FAM184B: variants seen among roughly 807,000 people sequenced by gnomAD.
FAM184B encodes family with sequence similarity 184 member B.
FAM184B carries 111 observed loss-of-function variants against 135.9 expected under a neutral mutation model. The observed-to-expected ratio is 0.82, with a 90% CI of 0.70 to 0.96. The LOEUF is 0.96. FAM184B is among the 40% of genes least tolerant of loss of function. FAM184B has a pLI of 0.00. For synonymous variants in FAM184B, 552 were observed against 524.8 expected (o/e 1.05, Z -0.71); for missense variants, 1,375 against 1,323.9 (o/e 1.04, Z -0.60).
At chr4:17,693,620 C>T (rs373607445) in intron 5 of FAM184B, among the ~76,000 whole-genome samples, 1 of 152,164 alleles carries the variant, frequency 6.6e-6, no homozygotes, top group Non-Finnish European at 1.5e-5. Context: ...AGGGGTGGGG[C>T]GGGGCAAATT....
intron 1 of FAM184B, among the ~76,000 whole-genome samples, chr4:17,744,492 A>AC (rs34475788): frequency 0.024 from 2,716 of 115,076 alleles, 40 homozygotes; most frequent in African/African-American, 0.038. Flanking sequence ...CACACACACC[A>AC]CACACACACA....
intron 10 of FAM184B, among the ~76,000 whole-genome samples, chr4:17,653,548 C>A (rs1715690864): frequency 6.6e-6 from 1 of 151,990 alleles, no homozygotes; most frequent in Non-Finnish European, 1.5e-5. Flanking sequence ...TTTTTCCCTA[C>A]TTTTTATTTT....
chr4:17,667,833 G>T (rs1254960859), intron 7 of FAM184B, among the ~76,000 whole-genome samples: 4 of 152,250 alleles, frequency 2.6e-5, no homozygotes, highest in African/African-American at 9.6e-5. Context: ...TGCTGTTGCA[G>T]CTCTCACATG....
At chr4:17,737,000 C>CACAAAAATTCAG (rs1194540938) in intron 1 of FAM184B, among the ~76,000 whole-genome samples, 1 of 152,122 alleles carries the variant, frequency 6.6e-6, no homozygotes, top group Non-Finnish European at 1.5e-5. Context: ...CAAAAATTAG[C>CACAAAAATTCAG]TGAGTATGGT....
chr4:17,663,390 A>T (rs1219760022), intron 8 of FAM184B, among the ~76,000 whole-genome samples: 1 of 152,206 alleles, frequency 6.6e-6, no homozygotes, highest in South Asian at 2.1e-4. Flanking sequence ...AAAGAAATAA[A>T]GGGGATCCAA....
chr4:17,668,990 G>A (rs1716114191), intron 7 of FAM184B, among the ~76,000 whole-genome samples: 1 of 152,218 alleles, frequency 6.6e-6, no homozygotes, highest in African/African-American at 2.4e-5. Flanking sequence ...ATAAGTGAAT[G>A]TAAAAGTAAT....
intron 5 of FAM184B, among the ~76,000 whole-genome samples, chr4:17,697,301 A>G (rs1312479768): frequency 6.6e-6 from 1 of 152,104 alleles, no homozygotes; most frequent in Admixed American, 6.5e-5. Flanking sequence ...GCTGCTGATC[A>G]CCTGCATGAT....
chr4:17,744,358 A>C (rs1718109776), intron 1 of FAM184B, among the ~76,000 whole-genome samples: 1 of 151,972 alleles, frequency 6.6e-6, no homozygotes, highest in Non-Finnish European at 1.5e-5. Flanking sequence ...ACATTGACCC[A>C]TCTGGGGAAG....
intron 1 of FAM184B, among the ~76,000 whole-genome samples, chr4:17,751,165 G>T (rs550573269): frequency 6.6e-6 from 1 of 151,936 alleles, no homozygotes; most frequent in Admixed American, 6.6e-5. Flanking sequence ...AAATTTAGCC[G>T]GGTGTGGTGG....
At chr4:17,760,469 C>CA (rs371782077) in intron 1 of FAM184B, among the ~76,000 whole-genome samples, 7,470 of 115,646 alleles carry the variant, frequency 0.065, 326 homozygotes, top group East Asian at 0.22. Context: ...GACTCCATCT[C>CA]AAAAAAAAAA....
intron 8 of FAM184B, among the ~76,000 whole-genome samples, 161 bp from the exon 9 acceptor site, chr4:17,660,248 A>G (rs1331793277): frequency 6.6e-6 from 1 of 152,208 alleles, no homozygotes; most frequent in Non-Finnish European, 1.5e-5. Context: ...GCAACCTGCC[A>G]TATAAAGTGT....
At chr4:17,690,709 C>G (rs1716713737) in intron 6 of FAM184B, among the ~76,000 whole-genome samples, 1 of 152,116 alleles carries the variant, frequency 6.6e-6, no homozygotes, top group African/African-American at 2.4e-5. Context: ...TTCAGAGGAG[C>G]TGGTGCAATT....
chr4:17,641,747 C>T (rs2108930550), intron 13 of FAM184B, among the ~76,000 whole-genome samples: 1 of 149,120 alleles, frequency 6.7e-6, no homozygotes, highest in East Asian at 2.0e-4. Context: ...ATGCGCCCGC[C>T]TCTGCCAACC....
intron 1 of FAM184B, among the ~76,000 whole-genome samples, chr4:17,747,947 A>T (rs1718208460): frequency 7.0e-6 from 1 of 143,548 alleles, no homozygotes; most frequent in African/African-American, 2.6e-5. Context: ...AAAAAAAAAA[A>T]ATTCAAAAAT....
intron 7 of FAM184B, among the ~76,000 whole-genome samples, chr4:17,683,596 G>C (rs1439160332): frequency 6.6e-6 from 1 of 152,106 alleles, no homozygotes; most frequent in African/African-American, 2.4e-5. Flanking sequence ...GCTATCCATT[G>C]AAGTATTATC....
chr4:17,738,411 T>G (rs1031333789), intron 1 of FAM184B, among the ~76,000 whole-genome samples: 1 of 152,164 alleles, frequency 6.6e-6, no homozygotes, highest in East Asian at 1.9e-4. Flanking sequence ...TGTATCATCA[T>G]CATTATCATC....
At chr4:17,657,083 T>G (rs1450448375) in intron 10 of FAM184B, among the ~76,000 whole-genome samples, 1 of 152,254 alleles carries the variant, frequency 6.6e-6, no homozygotes, top group African/African-American at 2.4e-5. Context: ...TATTATTCAC[T>G]ATTGAGCTAA....
chr4:17,662,157 G>A (rs374743307), intron 8 of FAM184B, among the ~76,000 whole-genome samples: 11 of 152,070 alleles, frequency 7.2e-5, no homozygotes, highest in African/African-American at 2.4e-4. Context: ...CCTCATCCAT[G>A]TTGTTGTGTA....
intron 1 of FAM184B, among the ~76,000 whole-genome samples, chr4:17,754,483 G>A (rs1355633728): frequency 6.6e-6 from 1 of 151,432 alleles, no homozygotes. Flanking sequence ...CCCGGGAGGC[G>A]GAGGTTGAAG....
Sources: gnomAD v4.1 joint callset for allele counts (sites outside exome capture counted in the v4.1 genomes callset) on GRCh38, gnomAD v4.1.1 for gene constraint, MANE v1.5 for transcripts, NCBI Gene and HGNC (gene_info 2026-07-23, HGNC 2026-07-21) for gene names.